The following CDC14B variants were observed in gnomAD, a reference collection of about 807,000 sequenced individuals.
CDC14B encodes the protein cell division cycle 14B.
In CDC14B, 22 loss-of-function variants were observed where a neutral mutation model predicts 64.2. That is an observed-to-expected ratio of 0.34 (90% CI 0.24 to 0.49). CDC14B has a LOEUF of 0.49. Ranked by LOEUF, CDC14B falls within the 20% of genes least tolerant of loss-of-function variation. CDC14B has a pLI of 0.99. For synonymous variants in CDC14B, 191 were observed against 215.8 expected (o/e 0.89, Z 1.01); for missense variants, 498 against 629.9 (o/e 0.79, Z 2.24).
intron 4 of CDC14B, among the ~76,000 whole-genome samples, chr9:96,553,644 A>G (rs1478899569): frequency 6.6e-6 from 1 of 151,986 alleles, no homozygotes; most frequent in Admixed American, 6.5e-5. Context: ...TACAGACATG[A>G]GCCACCATGT....
At chr9:96,562,317 T>C (rs1439004877) in intron 4 of CDC14B, among the ~76,000 whole-genome samples, 1 of 152,178 alleles carries the variant, frequency 6.6e-6, no homozygotes, top group Non-Finnish European at 1.5e-5. Context: ...CTGACCCCAG[T>C]AAGATGATTT....
chr9:96,608,591 T>G (rs901466673), intron 1 of CDC14B, among the ~76,000 whole-genome samples: 2 of 152,200 alleles, frequency 1.3e-5, no homozygotes, highest in African/African-American at 4.8e-5. Context: ...TAAATCTAGT[T>G]CCCGAAATAT....
At position 96,523,696 on chromosome 9, in the gene CDC14B, C is replaced by T; in HGVS notation, c.976G>A (p.Ala326Thr). Residue 326 changes from alanine (A) to threonine (T), a missense_variant, in exon 10 of 14, where the codon GCC becomes ACC. Transcript: ENST00000375241. Reference sequence around the variant, plus strand: ...CTGTAATGCTTCATGATGTAGCAGGCTATCAGAGTGCCCGTGCGACCAAGG... The same window carrying T: ...CTGTAATGCTTCATGATGTAGCAGGTTATCAGAGTGCCCGTGCGACCAAGG... ...AGLGRTGTLI[A>T]CYIMKHYRMT... The T allele has an allele frequency of 1.9e-6, 3 of 1,613,932 alleles. No individual in the cohort carries two copies. The highest frequency in any genetic ancestry group is 2.5e-6 in the Non-Finnish European group (3 of 1,179,850).
intron 4 of CDC14B, 26 bp from the exon 5 acceptor site, chr9:96,551,898 G>A (rs201874990): frequency 6.3e-7 from 1 of 1,588,804 alleles, no homozygotes; most frequent in African/African-American, 1.4e-5. Context: ...GAAGAAAAAG[G>A]CAATTTATTT....
chr9:96,571,063 C>A (rs1308939303), intron 1 of CDC14B, among the ~76,000 whole-genome samples: 3 of 151,852 alleles, frequency 2.0e-5, no homozygotes, highest in Non-Finnish European at 2.9e-5. Context: ...CAATATACGG[C>A]AGGTGTTAAC....
intron 12 of CDC14B, among the ~76,000 whole-genome samples, chr9:96,517,643 CAAAAAAA>C (rs1016405679): frequency 7.2e-4 from 25 of 34,638 alleles, no homozygotes; most frequent in Non-Finnish European, 7.8e-4. Context: ...GACTCCGTCT[CAAAAAAA>C]AAAAAAAAAA....
chr9:96,504,377 G>C (rs1833849925), intron 13 of CDC14B, among the ~76,000 whole-genome samples: 1 of 151,990 alleles, frequency 6.6e-6, no homozygotes, highest in Non-Finnish European at 1.5e-5. Flanking sequence ...ACACTTTCAG[G>C]TCAGTAACAA....
chr9:96,556,468 A>T (rs1842517978), intron 4 of CDC14B, among the ~76,000 whole-genome samples: 1 of 152,246 alleles, frequency 6.6e-6, no homozygotes, highest in Non-Finnish European at 1.5e-5. Context: ...ACAGAGAATA[A>T]AAAAGTAAAT....
intron 1 of CDC14B, among the ~76,000 whole-genome samples, chr9:96,611,405 C>G (rs115089600): frequency 6.6e-6 from 1 of 152,168 alleles, no homozygotes. Flanking sequence ...TCAACAACTC[C>G]GCACCTACTT....
chr9:96,563,985 C>A (rs1384312548), intron 3 of CDC14B, among the ~76,000 whole-genome samples: 2 of 152,082 alleles, frequency 1.3e-5, no homozygotes, highest in African/African-American at 4.8e-5. Context: ...AAAACATCTG[C>A]CTTACCCATG....
At chr9:96,561,978 G>A (rs1340970986) in intron 4 of CDC14B, among the ~76,000 whole-genome samples, 1 of 152,082 alleles carries the variant, frequency 6.6e-6, no homozygotes, top group Non-Finnish European at 1.5e-5. Context: ...CAGGGCCCCT[G>A]CAGACAAATC....
At chr9:96,566,708 C>G (rs1413147792) in intron 1 of CDC14B, 4 of 1,527,402 alleles carry the variant, frequency 2.6e-6, no homozygotes, top group Non-Finnish European at 3.6e-6. Context: ...CAGCACTGCC[C>G]GCCCTGTCCC....
Position 96,538,930 on chromosome 9 carries a change from G to A in CDC14B, c.627+148C>T, listed in dbSNP as rs77212168. ...AGGTGATGAATATGTTAATTAGCTT[G>A]ATTAGGTAATCATTTCATGGTGTAT... On this transcript the variant is annotated intron_variant, in intron 7 of 13. Coordinates refer to ENST00000375241, the MANE Select transcript of CDC14B (RefSeq NM_033331.4). 5.2e-3 allele frequency: 3,168 copies of A among 615,048 alleles called. 81 individuals carry two copies. In the African/African-American group the frequency reaches 0.053, roughly 10 times the overall value. The allele number at this position is 615,048 out of a possible 1,614,324, so 38.1% of individuals were successfully genotyped here.
At chr9:96,557,137 C>T (rs1005405975) in intron 4 of CDC14B, among the ~76,000 whole-genome samples, 10 of 152,236 alleles carry the variant, frequency 6.6e-5, no homozygotes, top group African/African-American at 9.6e-5. Context: ...CAGAAGCCCT[C>T]GGGTGGCAAG....
chr9:96,593,569 T>C (rs992604237), intron 1 of CDC14B, among the ~76,000 whole-genome samples: 2 of 152,022 alleles, frequency 1.3e-5, no homozygotes, highest in African/African-American at 4.8e-5. Context: ...CTAAGTTAAT[T>C]CATATAAATA....
chr9:96,507,209 C>T (rs539243893), intron 13 of CDC14B, among the ~76,000 whole-genome samples: 9 of 148,320 alleles, frequency 6.1e-5, no homozygotes, highest in African/African-American at 1.7e-4. Flanking sequence ...GAGGATGAGG[C>T]GGGAGGATGA....
At chr9:96,561,517 C>T (rs530415465) in intron 4 of CDC14B, among the ~76,000 whole-genome samples, 2 of 152,246 alleles carry the variant, frequency 1.3e-5, no homozygotes, top group Non-Finnish European at 2.9e-5. Context: ...CTCGCTCTGT[C>T]GCCCAGGCTG....
intron 1 of CDC14B, among the ~76,000 whole-genome samples, chr9:96,572,175 G>A (rs1223763600): frequency 2.6e-5 from 4 of 152,120 alleles, no homozygotes; most frequent in South Asian, 2.1e-4. Context: ...CTCACCCTGC[G>A]CATCTCTTCC....
chr9:96,581,335 G>A lies in CDC14B; in HGVS notation c.161-15852C>T, dbSNP rs566191699. 2.6e-4 allele frequency among the ~76,000 whole-genome samples: 39 copies of A among 151,958 alleles called. No homozygotes were observed. In the South Asian group the frequency reaches 6.2e-3, roughly 24 times the overall value. On this transcript the variant is annotated intron_variant, in intron 1 of 13. Coordinates refer to ENST00000375241, the MANE Select transcript of CDC14B (RefSeq NM_033331.4). ...AGATAAACAGAGGGCCAGACACAGC[G>A]GCTCATGCCTATAGTCCCAGCTACT...
Sources: allele counts gnomAD v4.1 joint callset (sites outside exome capture counted in the v4.1 genomes callset), GRCh38; gene constraint gnomAD v4.1.1; transcripts MANE v1.5; gene names NCBI Gene and HGNC (gene_info 2026-07-23, HGNC 2026-07-21).